The following RAB31 variants were observed in gnomAD, a reference collection of about 807,000 sequenced individuals.
RAB31 encodes RAB31, member RAS oncogene family.
A neutral mutation model predicts 25.6 loss-of-function variants in RAB31; 21 were observed. That is an observed-to-expected ratio of 0.82 (90% CI 0.58 to 1.18). RAB31 has a LOEUF of 1.18. Among genes scored for constraint, RAB31 ranks in the 50% most tolerant of loss-of-function variants. The pLI, the probability that RAB31 is intolerant of heterozygous loss-of-function variation, is 0.00. For synonymous variants in RAB31, 87 were observed against 84.0 expected (o/e 1.04, Z -0.20); for missense variants, 196 against 250.1 (o/e 0.78, Z 1.46).
intron 1 of RAB31, among the ~76,000 whole-genome samples, chr18:9,752,258 T>A (rs2068238938): frequency 6.6e-6 from 1 of 152,092 alleles, no homozygotes; most frequent in Non-Finnish European, 1.5e-5. Flanking sequence ...GGAGTCTTGC[T>A]CTGTTGCCCA....
intron 1 of RAB31, among the ~76,000 whole-genome samples, chr18:9,712,634 A>T (rs1053991460): frequency 2.6e-5 from 4 of 152,226 alleles, no homozygotes; most frequent in Admixed American, 2.6e-4. Flanking sequence ...ACACATCACC[A>T]TGTGGCAAGA....
At chr18:9,781,558 C>T (rs527710186) in intron 2 of RAB31, among the ~76,000 whole-genome samples, 1 of 152,340 alleles carries the variant, frequency 6.6e-6, no homozygotes, top group African/African-American at 2.4e-5. Context: ...GCTGATCTGC[C>T]CGCCTTGGCC....
At chr18:9,722,396 T>C (rs1272664721) in intron 1 of RAB31, among the ~76,000 whole-genome samples, 1 of 152,176 alleles carries the variant, frequency 6.6e-6, no homozygotes, top group Non-Finnish European at 1.5e-5. Context: ...CAAACGTTGC[T>C]GATGGACTGT....
chr18:9,812,325 G>C (rs1359826302), intron 3 of RAB31, among the ~76,000 whole-genome samples: 1 of 152,088 alleles, frequency 6.6e-6, no homozygotes, highest in East Asian at 1.9e-4. Context: ...TGCGTGTGAT[G>C]GTCACTCCAG....
chr18:9,749,697 T>G (rs9965962), intron 1 of RAB31, among the ~76,000 whole-genome samples: 1 of 152,190 alleles, frequency 6.6e-6, no homozygotes, highest in Non-Finnish European at 1.5e-5. Context: ...GTTTGCAGAA[T>G]TGTTCCCATG....
intron 3 of RAB31, among the ~76,000 whole-genome samples, chr18:9,811,173 A>G (rs1237192429): frequency 5.3e-5 from 8 of 152,312 alleles, no homozygotes; most frequent in Non-Finnish European, 1.2e-4. Context: ...GCCCTTCAGC[A>G]TCTTCGGCCA....
At chr18:9,745,073 A>G (rs2068198742) in intron 1 of RAB31, among the ~76,000 whole-genome samples, 1 of 152,170 alleles carries the variant, frequency 6.6e-6, no homozygotes, top group Non-Finnish European at 1.5e-5. Flanking sequence ...CATTACTAAG[A>G]AAAAAAGAGA....
In RAB31 at chr18:9,741,476, A is replaced by G. The variant is rs1599019986; in HGVS notation, c.39+33032A>G. Among the ~76,000 whole-genome samples, 6 of 152,000 alleles carry G rather than the reference A, an allele frequency of 3.9e-5. No individual in the cohort carries two copies. The South Asian group carries it at 1.0e-3, about 26-fold the overall frequency. ...GTGTCAGTGCTAAGTGACCAAGACA[A>G]TACCACCGTGGATGGATCACAAGGG... On this transcript the variant is annotated intron_variant, in intron 1 of 6. Transcript: ENST00000578921.
chr18:9,841,099 T>C (rs762211565), intron 5 of RAB31, among the ~76,000 whole-genome samples: 13 of 152,144 alleles, frequency 8.5e-5, no homozygotes, highest in South Asian at 4.1e-4. Context: ...CCTGGCTAAT[T>C]TTTCCTATTT....
chr18:9,827,169 C>T (rs987502870), intron 5 of RAB31, among the ~76,000 whole-genome samples: 4 of 152,100 alleles, frequency 2.6e-5, no homozygotes, highest in Non-Finnish European at 5.9e-5. Flanking sequence ...GCCTTCATTT[C>T]ATGGCTTCTA....
At position 9,859,817 on chromosome 18, in the gene RAB31, A is replaced by G. The variant is rs2068838441; in HGVS notation, c.*492A>G. ...TAGCTAGCTTTGGAAGTAAGCCTTT[A>G]TTTATTACTTTTTGGAGGAAATCAG... On this transcript the variant is annotated 3_prime_UTR_variant, in exon 7 of 7. Transcript: ENST00000578921. The G allele has an allele frequency of 6.6e-6, 1 of 152,354 alleles. No individual in the cohort carries two copies. The highest frequency in any genetic ancestry group is 1.5e-5 in the Non-Finnish European group (1 of 68,198). 9.4% of individuals were successfully genotyped at this position (152,354 alleles called of 1,614,324 possible). A position where few individuals can be genotyped will look rare whatever the true frequency, so the allele number is the denominator to read the frequency against.
chr18:9,732,400 A>G (rs1005508972), intron 1 of RAB31, among the ~76,000 whole-genome samples: 1 of 152,258 alleles, frequency 6.6e-6, no homozygotes, highest in Non-Finnish European at 1.5e-5. Context: ...AGGTGAGCAG[A>G]GGGCAGAATC....
intron 2 of RAB31, among the ~76,000 whole-genome samples, chr18:9,784,335 C>T (rs1052117787): frequency 5.3e-5 from 8 of 151,976 alleles, no homozygotes; most frequent in East Asian, 3.9e-4. Flanking sequence ...CCACCATGCT[C>T]GGCTCTACTT....
chr18:9,796,429 G>A (rs1440268763), intron 3 of RAB31, among the ~76,000 whole-genome samples: 3 of 152,106 alleles, frequency 2.0e-5, no homozygotes, highest in Non-Finnish European at 4.4e-5. Context: ...CTAAAATATA[G>A]CTAAAATATG....
At chr18:9,741,424 C>G in intron 1 of RAB31, among the ~76,000 whole-genome samples, 1 of 150,748 alleles carries the variant, frequency 6.6e-6, no homozygotes, top group Middle Eastern at 3.4e-3. Context: ...CTGGGCACCC[C>G]TGGATTGTGG....
At chr18:9,849,758 A>G (rs2068779691) in intron 6 of RAB31, 1 of 152,270 alleles carries the variant, frequency 6.6e-6, no homozygotes, top group Admixed American at 6.5e-5. Context: ...GCCAGTGGGC[A>G]AAGAGCTATC....
At chr18:9,806,172 G>A (rs1167003458) in intron 3 of RAB31, among the ~76,000 whole-genome samples, 6 of 123,074 alleles carry the variant, frequency 4.9e-5, no homozygotes, top group East Asian at 2.2e-4. Context: ...GAGAGACTCC[G>A]TCTCAAAAAA....
At chr18:9,739,182 T>C (rs2068165158) in intron 1 of RAB31, among the ~76,000 whole-genome samples, 1 of 152,190 alleles carries the variant, frequency 6.6e-6, no homozygotes, top group South Asian at 2.1e-4. Flanking sequence ...CCTTAGAATT[T>C]CTAAGAATTT....
rs762951244 is a variant in RAB31, at chr18:9,845,619, T to A, written c.418T>A (p.Ser140Thr). The change falls in exon 6 of 7, where the codon TCC (serine) becomes ACC (threonine). Residue 140 changes from serine to threonine, a missense_variant. Ser to Thr is a moderately conservative substitution (Grantham distance 58). Transcript: ENST00000578921. ...GAAGGATGCTAAGGAATACGCTGAA[T>A]CCATAGGTGCCATCGTGGTTGAGAC... ...PLKDAKEYAE[S>T]IGAIVVETSA... is the part of the protein sequence containing the mutation. The A allele has an allele frequency of 4.5e-6, 7 of 1,568,464 alleles. No homozygotes were observed. The Admixed American group carries it at 1.1e-4, about 26-fold the overall frequency.
Sources: gnomAD v4.1 joint callset for allele counts (sites outside exome capture counted in the v4.1 genomes callset) on GRCh38, gnomAD v4.1.1 for gene constraint, MANE v1.5 for transcripts, NCBI Gene and HGNC (gene_info 2026-07-23, HGNC 2026-07-21) for gene names.